The following AGMO variants were observed in gnomAD, a reference collection of about 807,000 sequenced individuals.
AGMO encodes the protein alkylglycerol monooxygenase.
In AGMO, 75 loss-of-function variants were observed where a neutral mutation model predicts 60.2. That is an observed-to-expected ratio of 1.25 (90% CI 1.03 to 1.51). The LOEUF is 1.51. Among genes scored for constraint, AGMO ranks in the 40% most tolerant of loss-of-function variants. AGMO has a pLI of 0.00. For missense variants in AGMO, 763 were observed against 525.5 expected (o/e 1.45, Z -4.42); for synonymous variants, 261 against 177.1 (o/e 1.47, Z -3.76).
intron 12 of AGMO, among the ~76,000 whole-genome samples, chr7:15,273,691 G>T (rs752311026): frequency 6.6e-6 from 1 of 152,132 alleles, no homozygotes. Context: ...GGATGGCATT[G>T]AATCTATAAA....
At chr7:15,208,194 T>C (rs1037549110) in intron 12 of AGMO, among the ~76,000 whole-genome samples, 14 of 152,284 alleles carry the variant, frequency 9.2e-5, no homozygotes, top group Admixed American at 5.9e-4. Context: ...GAGTGACTTT[T>C]TGGACTTTTT....
intron 12 of AGMO, among the ~76,000 whole-genome samples, chr7:15,292,367 A>G (rs1042438437): frequency 2.0e-5 from 3 of 152,160 alleles, no homozygotes; most frequent in South Asian, 2.1e-4. Context: ...CTGAGAAGCA[A>G]TTACATTGTC....
chr7:15,475,335 T>C (rs1272019500), intron 3 of AGMO, among the ~76,000 whole-genome samples: 1 of 152,086 alleles, frequency 6.6e-6, no homozygotes, highest in African/African-American at 2.4e-5. Context: ...ATGTGGCACA[T>C]ATACACCATG....
chr7:15,533,544 T>A (rs941765613), intron 3 of AGMO, among the ~76,000 whole-genome samples: 2 of 152,174 alleles, frequency 1.3e-5, no homozygotes. Flanking sequence ...TGTTTTCTCT[T>A]CCTACTCATT....
the AGMO span, among the ~76,000 whole-genome samples, chr7:15,193,193 T>C: frequency 6.6e-6 from 1 of 152,144 alleles, no homozygotes; most frequent in Non-Finnish European, 1.5e-5. Flanking sequence ...ATACTATCCA[T>C]ACAGGTACTG....
the AGMO span, among the ~76,000 whole-genome samples, chr7:15,154,623 T>C: frequency 6.6e-6 from 1 of 152,214 alleles, no homozygotes; most frequent in African/African-American, 2.4e-5. Context: ...TCTTGATATG[T>C]GAAGATTTGA....
intron 12 of AGMO, among the ~76,000 whole-genome samples, chr7:15,307,530 T>A (rs1038321752): frequency 5.3e-5 from 8 of 152,020 alleles, no homozygotes; most frequent in African/African-American, 1.9e-4. Flanking sequence ...TACTAGTTTT[T>A]TTTTTCTTAT....
At chr7:15,462,447 A>C (rs1782167346) in intron 3 of AGMO, among the ~76,000 whole-genome samples, 1 of 152,186 alleles carries the variant, frequency 6.6e-6, no homozygotes, top group Admixed American at 6.6e-5. Flanking sequence ...GTCGTACACA[A>C]CATTGGAAAA....
At chr7:15,203,733 C>G (rs1364008328) in intron 12 of AGMO, among the ~76,000 whole-genome samples, 4 of 152,028 alleles carry the variant, frequency 2.6e-5, no homozygotes, top group African/African-American at 9.7e-5. Context: ...ACAGTAGGAA[C>G]TCAAAATTCA....
At chr7:15,546,840 T>A (rs965666880) in intron 2 of AGMO, among the ~76,000 whole-genome samples, 1 of 152,224 alleles carries the variant, frequency 6.6e-6, no homozygotes, top group Non-Finnish European at 1.5e-5. Flanking sequence ...CATGTTCAGA[T>A]GAGGGCTTCA....
chr7:15,220,811 GA>G (rs1188770980), intron 12 of AGMO, among the ~76,000 whole-genome samples: 2 of 151,792 alleles, frequency 1.3e-5, no homozygotes, highest in Non-Finnish European at 2.9e-5. Flanking sequence ...ATATTTTCAG[GA>G]CACAGATCTA....
At chr7:15,368,569 T>C (rs1038795186) in intron 10 of AGMO, among the ~76,000 whole-genome samples, 7 of 152,248 alleles carry the variant, frequency 4.6e-5, no homozygotes, top group Admixed American at 3.3e-4. Flanking sequence ...TGAAATAAAA[T>C]ACGCGTTTGG....
chr7:15,394,667 T>C (rs1218173057), intron 5 of AGMO, among the ~76,000 whole-genome samples: 1 of 152,172 alleles, frequency 6.6e-6, no homozygotes, highest in African/African-American at 2.4e-5. Context: ...GAGCAGGGTA[T>C]AACTAGGAGA....
the AGMO span, among the ~76,000 whole-genome samples, chr7:15,130,678 T>C: frequency 1.3e-5 from 2 of 152,090 alleles, no homozygotes; most frequent in African/African-American, 2.4e-5. Context: ...TAATACACTT[T>C]GCTATTGGTT....
At chr7:15,328,112 A>AT (rs1781401628) in intron 12 of AGMO, among the ~76,000 whole-genome samples, 1 of 148,764 alleles carries the variant, frequency 6.7e-6, no homozygotes, top group Middle Eastern at 3.5e-3. Flanking sequence ...TTTCTTTTTT[A>AT]TTTTTTTTCC....
In AGMO at chr7:15,365,526, T is replaced by C; in HGVS notation, c.1251A>G (p.Ser417=). 3 of 1,611,362 alleles carry C rather than the reference T, an allele frequency of 1.9e-6. No homozygotes were observed. Among genetic ancestry groups the C allele is most frequent in the African/African-American group, 1.3e-5 (1 of 74,906 alleles). Residue 417 remains serine (S), a synonymous_variant, in exon 12 of 13, where the codon TCA becomes TCG. Transcript: ENST00000342526. The stretch of plus-strand genomic sequence containing the variant: ...ACAAATGTCTTACCTCAAAAGCAGA[T>C]GACAATGAAGGGACAAGAGGCTTCA... ...GHLKPLVPSL[S]SAFEIVFSIC...
chr7:15,211,785 G>T (rs1563037026), intron 12 of AGMO, among the ~76,000 whole-genome samples: 1 of 151,632 alleles, frequency 6.6e-6, no homozygotes, highest in Admixed American at 6.6e-5. Flanking sequence ...TTTTTCAGGG[G>T]GATCTTGAGC....
intron 12 of AGMO, among the ~76,000 whole-genome samples, chr7:15,269,654 T>G (rs892394490): frequency 6.6e-6 from 1 of 152,122 alleles, no homozygotes; most frequent in South Asian, 2.1e-4. Flanking sequence ...ATGTGCAAGT[T>G]TGTTGCACAT....
intron 12 of AGMO, among the ~76,000 whole-genome samples, chr7:15,316,751 C>G (rs564567915): frequency 1.3e-5 from 2 of 152,032 alleles, no homozygotes. Context: ...AGCGAAAAAT[C>G]CAAGAAAAAG....
Sources: allele counts gnomAD v4.1 joint callset (sites outside exome capture counted in the v4.1 genomes callset), GRCh38; gene constraint gnomAD v4.1.1; transcripts MANE v1.5; gene names NCBI Gene and HGNC (gene_info 2026-07-23, HGNC 2026-07-21).